The following KCNK2 variants were observed in gnomAD, a reference collection of about 807,000 sequenced individuals.
KCNK2 encodes the protein potassium channel subfamily K member 2.
A neutral mutation model predicts 40.5 loss-of-function variants in KCNK2; 21 were observed. That is an observed-to-expected ratio of 0.52 (90% CI 0.37 to 0.75). The LOEUF is 0.75. KCNK2 is among the 30% of genes least tolerant of loss of function. The pLI, the probability that KCNK2 is intolerant of heterozygous loss-of-function variation, is 0.00. For missense variants in KCNK2, 399 were observed against 531.6 expected, an observed-to-expected ratio of 0.75 and a Z score of 2.45; for synonymous variants, 191 against 202.2, an observed-to-expected ratio of 0.94 and a Z score of 0.47.
intron 1 of KCNK2, among the ~76,000 whole-genome samples, chr1:215,077,647 T>G (rs1194748169): frequency 6.6e-6 from 1 of 151,970 alleles, no homozygotes; most frequent in Admixed American, 6.6e-5. Flanking sequence ...TACCTGCCTC[T>G]TCAGCTTGAT....
intron 1 of KCNK2, among the ~76,000 whole-genome samples, chr1:215,047,013 C>T (rs1657793798): frequency 6.6e-6 from 1 of 152,026 alleles, no homozygotes; most frequent in Non-Finnish European, 1.5e-5. Context: ...AAGTTAATTT[C>T]ACAACTTCTT....
intron 2 of KCNK2, among the ~76,000 whole-genome samples, chr1:215,105,065 A>C (rs1660378909): frequency 1.3e-5 from 2 of 152,090 alleles, no homozygotes. Context: ...GTTGTGGGAA[A>C]AAGCATGTAA....
At chr1:215,224,220 C>T (rs868128955) in intron 6 of KCNK2, among the ~76,000 whole-genome samples, 1 of 152,022 alleles carries the variant, frequency 6.6e-6, no homozygotes, top group Non-Finnish European at 1.5e-5. Flanking sequence ...ATTCTAAATT[C>T]AAAATTAGAA....
chr1:215,066,821 A>AG (rs774471644), intron 1 of KCNK2, among the ~76,000 whole-genome samples: 4 of 152,224 alleles, frequency 2.6e-5, no homozygotes, highest in Non-Finnish European at 5.9e-5. Flanking sequence ...AAATTTGATT[A>AG]GGGAAAATGT....
At chr1:215,201,355 A>G (rs1340735566) in intron 6 of KCNK2, among the ~76,000 whole-genome samples, 1 of 152,100 alleles carries the variant, frequency 6.6e-6, no homozygotes, top group African/African-American at 2.4e-5. Flanking sequence ...CTGATGCACC[A>G]CTCTTGTAGA....
intron 2 of KCNK2, among the ~76,000 whole-genome samples, chr1:215,089,653 GT>G (rs1384653574): frequency 1.3e-5 from 2 of 152,056 alleles, no homozygotes; most frequent in Admixed American, 6.6e-5. Context: ...ACTAAGTGTT[GT>G]TTTTGGCACT....
chr1:215,007,157 GTA>G lies in KCNK2; in HGVS notation c.34+1204_34+1205del, dbSNP rs1558054126. On this transcript the variant is annotated intron_variant, in intron 1 of 6. Coordinates refer to the KCNK2 transcript ENST00000391895. ...TGTATATATATGTGTATATATATATGTATGTATATATATATGTATGTGTGTGG... is the reference window on the plus strand; with the variant it reads ...TGTATATATATGTGTATATATATATGTGTATATATATATGTATGTGTGTGG... 3.8e-4 allele frequency among the ~76,000 whole-genome samples: 35 copies of G among 92,054 alleles called. 2 individuals carry two copies. Among genetic ancestry groups the G allele is most frequent in the African/African-American group, 1.3e-3 (27 of 20,570 alleles). 60.4% of individuals were successfully genotyped at this position (92,054 alleles called of 152,430 possible).
chr1:215,062,009 A>G (rs932546221), intron 1 of KCNK2, among the ~76,000 whole-genome samples: 1 of 152,174 alleles, frequency 6.6e-6, no homozygotes, highest in Non-Finnish European at 1.5e-5. Context: ...TTATTAATAA[A>G]TTATACAACA....
At chr1:215,106,254 A>C (rs1660435954) in intron 2 of KCNK2, among the ~76,000 whole-genome samples, 2 of 152,016 alleles carry the variant, frequency 1.3e-5, no homozygotes, top group South Asian at 4.2e-4. Flanking sequence ...AACACCTGTC[A>C]TTTTTTTGAC....
chr1:215,187,965 T>C (rs1366586703), intron 5 of KCNK2, among the ~76,000 whole-genome samples: 2 of 152,104 alleles, frequency 1.3e-5, no homozygotes, highest in East Asian at 1.9e-4. Context: ...GAAGAATTTA[T>C]AGTTTCACAA....
intron 6 of KCNK2, among the ~76,000 whole-genome samples, chr1:215,203,895 G>A (rs531836426): frequency 9.2e-5 from 14 of 151,896 alleles, no homozygotes; most frequent in Admixed American, 3.9e-4. Context: ...AAAATTAGCC[G>A]GGTGCGGTGG....
At chr1:215,136,466 T>C (rs77099756) in intron 3 of KCNK2, among the ~76,000 whole-genome samples, 2 of 152,354 alleles carry the variant, frequency 1.3e-5, no homozygotes, top group Non-Finnish European at 2.9e-5. Context: ...AGATTAATAT[T>C]AGTATAAACC....
intron 1 of KCNK2, among the ~76,000 whole-genome samples, chr1:215,024,037 AG>A (rs1656907694): frequency 2.0e-5 from 3 of 152,216 alleles, no homozygotes; most frequent in Admixed American, 6.5e-5. Context: ...GCCAAGGAGT[AG>A]GCAGGAGAAA....
chr1:215,213,318 A>T (rs999646776), intron 6 of KCNK2, among the ~76,000 whole-genome samples: 78 of 152,306 alleles, frequency 5.1e-4, no homozygotes, highest in Non-Finnish European at 7.5e-4. Flanking sequence ...TTATAAAAAA[A>T]TTCTCCTGGG....
At chr1:215,007,185 GTATATATATATATATATATATATATA>G (rs1162302568) in intron 1 of KCNK2, among the ~76,000 whole-genome samples, 2 of 31,028 alleles carry the variant, frequency 6.4e-5, no homozygotes, top group Non-Finnish European at 1.2e-4. Context: ...ATGTGTGTGG[GTATATATATATATATATATATATATA>G]TATATATATA....
rs552078095 is a variant in KCNK2 at position 215,044,643 on chromosome 1, G to A, written c.34+38688G>A. Among the ~76,000 whole-genome samples the A allele has an allele frequency of 2.0e-4, 30 of 152,048 alleles. No homozygotes were observed. The South Asian group carries it at 5.2e-3, about 26-fold the overall frequency. On this transcript the variant is annotated intron_variant, in intron 1 of 6. Transcript: ENST00000391895. ...ATTAATAGATTAACCAATTATCACC[G>A]GTTATAATACCATGCAGTAAAAAGT...
rs558282956 is a variant in KCNK2, at chr1:215,132,891, A to G, written c.475+8141A>G. Among the ~76,000 whole-genome samples, 5 of 152,358 alleles carry G rather than the reference A, an allele frequency of 3.3e-5. No homozygotes were observed. In the South Asian group the frequency reaches 6.2e-4, roughly 19 times the overall value. ...AGACTCCAAAGCAATAATGAAATAG[A>G]TTAGTCTTCTCTTCTCATTGCCTAT... On this transcript the variant is annotated intron_variant, in intron 3 of 6. Coordinates refer to ENST00000444842, the MANE Select transcript of KCNK2 (RefSeq NM_001017425.3).
chr1:215,101,006 A>T (rs1389395573), intron 2 of KCNK2, among the ~76,000 whole-genome samples: 11 of 152,036 alleles, frequency 7.2e-5, no homozygotes, highest in Admixed American at 7.2e-4. Flanking sequence ...TTCAGATAGC[A>T]TATTAGCTGT....
chr1:215,166,320 T>C (rs769692231), intron 3 of KCNK2, among the ~76,000 whole-genome samples: 4 of 152,042 alleles, frequency 2.6e-5, no homozygotes, highest in Non-Finnish European at 5.9e-5. Context: ...ACATCCCCCA[T>C]AGAAGCAAAA....
Sources: gnomAD v4.1 joint callset for allele counts (sites outside exome capture counted in the v4.1 genomes callset) on GRCh38, gnomAD v4.1.1 for gene constraint, MANE v1.5 for transcripts, NCBI Gene and HGNC (gene_info 2026-07-23, HGNC 2026-07-21) for gene names.